Variants in ARHGAP17 observed in about 807,000 individuals in gnomAD.
ARHGAP17 encodes the protein Rho GTPase activating protein 17, also known as rho GTPase-activating protein 17.
Under a neutral mutation model 99.5 loss-of-function variants are expected in ARHGAP17, and 57 were observed. The observed-to-expected ratio is 0.57, with a 90% confidence interval of 0.46 to 0.71. ARHGAP17 has a LOEUF of 0.71. Among genes scored for constraint, ARHGAP17 ranks in the 30% least tolerant of loss-of-function variants. The pLI is 0.00. For synonymous variants in ARHGAP17, 417 were observed against 429.6 expected (o/e 0.97, Z 0.36); for missense variants, 1,000 against 1,122.4 (o/e 0.89, Z 1.56).
In ARHGAP17 at chr16:24,931,119, T is replaced by G. The variant is rs2050975532; in HGVS notation, c.2180A>C (p.His727Pro). The G allele has an allele frequency of 1.2e-6, 2 of 1,606,836 alleles. No individual in the cohort carries two copies. The highest frequency in any genetic ancestry group is 1.7e-6 in the Non-Finnish European group (2 of 1,176,896). ...QPPTQATPLM[H>P]TKPNSQGPPN... ...AGGGCCCTGGCTATTGGGTTTGGTG[T>G]GCATCAGTGGCGTGGCCTGCGTAGG... Residue 727 changes from histidine (H) to proline (P), a missense_variant, in exon 19 of 20, where the codon CAC becomes CCC. His to Pro is a moderately conservative substitution (Grantham distance 77). Coordinates refer to ENST00000289968, the MANE Select transcript of ARHGAP17 (RefSeq NM_001006634.3).
chr16:24,922,556 A>G (rs1703951465), intron 19 of ARHGAP17, among the ~76,000 whole-genome samples: 1 of 152,182 alleles, frequency 6.6e-6, no homozygotes, highest in Non-Finnish European at 1.5e-5. Context: ...CTATTCCTAC[A>G]TGAATCAGTC....
intron 3 of ARHGAP17, among the ~76,000 whole-genome samples, chr16:24,976,692 C>G (rs1325740340): frequency 1.3e-5 from 2 of 152,178 alleles, no homozygotes; most frequent in East Asian, 3.9e-4. Flanking sequence ...AAGGAACAAG[C>G]AGCCCATAGA....
In ARHGAP17 at chr16:24,939,926, A is replaced by G. The variant is rs1009669096; in HGVS notation, c.1491-329T>C. On this transcript the variant is annotated intron_variant, in intron 16 of 19. Coordinates refer to ENST00000289968, the MANE Select transcript of ARHGAP17 (RefSeq NM_001006634.3). The stretch of plus-strand genomic sequence containing the variant: ...TCCTCTGCTGTTTTTTTCCCCCTTT[A>G]GACATGTGGTCTCACTCCACCACCC... 6 of 337,608 alleles carry G rather than the reference A, an allele frequency of 1.8e-5. No homozygotes were observed. The Admixed American group carries it at 2.8e-4, about 16-fold the overall frequency. The allele number at this position is 337,608 out of a possible 1,614,324, so 20.9% of individuals were successfully genotyped here. A position where few individuals can be genotyped will look rare whatever the true frequency, so the allele number is the denominator to read the frequency against.
intron 19 of ARHGAP17, among the ~76,000 whole-genome samples, chr16:24,927,162 T>C (rs1332179101): frequency 6.6e-6 from 1 of 152,150 alleles, no homozygotes; most frequent in Non-Finnish European, 1.5e-5. Context: ...TCCCAGGTAC[T>C]CAGGAGGCTG....
At chr16:25,000,940 A>C (rs936677030) in intron 1 of ARHGAP17, among the ~76,000 whole-genome samples, 1 of 152,248 alleles carries the variant, frequency 6.6e-6, no homozygotes, top group Non-Finnish European at 1.5e-5. Context: ...GAAAATGAGG[A>C]GAACGTTGCT....
intron 19 of ARHGAP17, among the ~76,000 whole-genome samples, chr16:24,927,983 AT>A (rs1267549151): frequency 6.6e-6 from 1 of 152,198 alleles, no homozygotes; most frequent in South Asian, 2.1e-4. Context: ...TCTTAATCCC[AT>A]TAGCCTTAAC....
At chr16:24,980,873 C>T (rs928026262) in intron 1 of ARHGAP17, among the ~76,000 whole-genome samples, 13 of 152,158 alleles carry the variant, frequency 8.5e-5, no homozygotes, top group Non-Finnish European at 1.9e-4. Flanking sequence ...CACCTCAACT[C>T]TAAAATGACT....
At chr16:24,988,415 T>G (rs2052938647) in intron 1 of ARHGAP17, among the ~76,000 whole-genome samples, 1 of 152,176 alleles carries the variant, frequency 6.6e-6, no homozygotes, top group Admixed American at 6.5e-5. Flanking sequence ...ACAGAAAATA[T>G]TTTGGCAATG....
At chr16:24,974,895 C>T (rs968219832) in intron 3 of ARHGAP17, among the ~76,000 whole-genome samples, 2 of 152,100 alleles carry the variant, frequency 1.3e-5, no homozygotes, top group Non-Finnish European at 1.5e-5. Context: ...GCCTGTAATC[C>T]CAACACTTTG....
chr16:24,954,158 G>A (rs963593726), intron 10 of ARHGAP17, among the ~76,000 whole-genome samples: 3 of 152,118 alleles, frequency 2.0e-5, no homozygotes, highest in African/African-American at 7.2e-5. Context: ...TGGTTCATGG[G>A]GGGTTTGGGG....
chr16:24,960,361 A>G (rs954508669), intron 7 of ARHGAP17, among the ~76,000 whole-genome samples: 13 of 152,142 alleles, frequency 8.5e-5, no homozygotes, highest in African/African-American at 2.7e-4. Flanking sequence ...CCTGGCCAAC[A>G]TGGTGAAACC....
At chr16:24,964,390 T>G (rs559883176) in intron 6 of ARHGAP17, 82 bp from the exon 7 acceptor site, 3 of 923,710 alleles carry the variant, frequency 3.2e-6, no homozygotes, top group African/African-American at 1.7e-5. Context: ...TGGAGATAGA[T>G]CCTTCCCCAC....
At chr16:24,941,592 A>C in intron 16 of ARHGAP17, 1 of 175,640 alleles carries the variant, frequency 5.7e-6, no homozygotes, top group Non-Finnish European at 1.2e-5. Flanking sequence ...CAAATCACTC[A>C]ACTCACTGTG....
chr16:24,944,950 C>T (rs1001280338), intron 14 of ARHGAP17, among the ~76,000 whole-genome samples: 3 of 151,894 alleles, frequency 2.0e-5, no homozygotes, highest in Non-Finnish European at 4.4e-5. Flanking sequence ...CCTGAGCCTC[C>T]CATTCACACG....
intron 1 of ARHGAP17, among the ~76,000 whole-genome samples, chr16:24,995,176 G>C (rs9925359): frequency 6.6e-6 from 1 of 152,116 alleles, no homozygotes; most frequent in Admixed American, 6.5e-5. Flanking sequence ...TCCCTTCCAC[G>C]ACACGTGGGG....
intron 1 of ARHGAP17, among the ~76,000 whole-genome samples, chr16:25,003,076 G>A (rs1159280889): frequency 6.8e-6 from 1 of 147,826 alleles, no homozygotes; most frequent in African/African-American, 2.5e-5. Flanking sequence ...TCTAACAGGA[G>A]ATATACAAGT....
intron 2 of ARHGAP17, among the ~76,000 whole-genome samples, chr16:24,978,328 C>A (rs1290814512): frequency 6.6e-6 from 1 of 152,190 alleles, no homozygotes; most frequent in East Asian, 1.9e-4. Context: ...ACAGAAGGTG[C>A]TCATTTAATA....
At chr16:24,986,941 A>G (rs1215513699) in intron 1 of ARHGAP17, among the ~76,000 whole-genome samples, 2 of 152,272 alleles carry the variant, frequency 1.3e-5, no homozygotes, top group African/African-American at 4.8e-5. Context: ...GGTGACAGGA[A>G]GAAATCAGAA....
intron 3 of ARHGAP17, among the ~76,000 whole-genome samples, chr16:24,972,254 GC>G (rs2052389274): frequency 6.6e-6 from 1 of 152,188 alleles, no homozygotes. Flanking sequence ...GGGCTAGGAG[GC>G]ACTTCACTGT....
Sources: gnomAD v4.1 joint callset for allele counts (sites outside exome capture counted in the v4.1 genomes callset) on GRCh38, gnomAD v4.1.1 for gene constraint, MANE v1.5 for transcripts, NCBI Gene and HGNC (gene_info 2026-07-23, HGNC 2026-07-21) for gene names.